Variants in MSRA observed in about 807,000 individuals in gnomAD.
The protein encoded by MSRA is mitochondrial peptide methionine sulfoxide reductase.
MSRA carries 54 observed loss-of-function variants against 31.3 expected under a neutral mutation model. The ratio of observed to expected loss-of-function variants is 1.73; its 90% CI spans 1.39 to 2.17. The LOEUF is 2.17. Ranked by LOEUF, MSRA falls within the 30% of genes most tolerant of loss-of-function variation. The pLI is 0.00. For missense variants in MSRA, 507 were observed against 300.9 expected, an observed-to-expected ratio of 1.69 and a Z score of -5.07; for synonymous variants, 169 against 116.5, an observed-to-expected ratio of 1.45 and a Z score of -2.90.
At chr8:10,322,492 G>A (rs1415603255) in intron 5 of MSRA, among the ~76,000 whole-genome samples, 1 of 152,130 alleles carries the variant, frequency 6.6e-6, no homozygotes, top group Non-Finnish European at 1.5e-5. Flanking sequence ...GTGATTTTTT[G>A]TACAAGTGTA....
At chr8:10,168,500 G>T (rs954865077) in intron 1 of MSRA, among the ~76,000 whole-genome samples, 6 of 152,294 alleles carry the variant, frequency 3.9e-5, no homozygotes, top group Non-Finnish European at 8.8e-5. Flanking sequence ...TATAAATGTG[G>T]TTTTTGGAAA....
intron 1 of MSRA, among the ~76,000 whole-genome samples, chr8:10,074,142 G>T (rs915464136): frequency 7.2e-6 from 1 of 139,614 alleles, no homozygotes; most frequent in Non-Finnish European, 1.5e-5. Context: ...GAGTGCAGTG[G>T]TGCGATCTGG....
At chr8:10,235,147 G>C (rs1045662115) in intron 2 of MSRA, among the ~76,000 whole-genome samples, 12 of 152,096 alleles carry the variant, frequency 7.9e-5, no homozygotes, top group African/African-American at 2.9e-4. Flanking sequence ...ACATAGAATA[G>C]TTACAAAAAT....
intron 3 of MSRA, among the ~76,000 whole-genome samples, chr8:10,268,151 G>C (rs1798841956): frequency 6.6e-6 from 1 of 152,248 alleles, no homozygotes; most frequent in African/African-American, 2.4e-5. Flanking sequence ...GAGCAGAGCA[G>C]TCCTGGTGTT....
intron 1 of MSRA, among the ~76,000 whole-genome samples, chr8:10,134,561 A>G (rs1171649206): frequency 6.6e-6 from 1 of 152,222 alleles, no homozygotes; most frequent in Non-Finnish European, 1.5e-5. Flanking sequence ...CCTTCGGCCA[A>G]GGGATTCATC....
chr8:10,095,966 C>T, intron 1 of MSRA: 2 of 1,374,940 alleles, frequency 1.5e-6, no homozygotes, highest in Non-Finnish European at 1.9e-6. Context: ...TAATTTTCTA[C>T]AAAATAAAGT....
intron 1 of MSRA, among the ~76,000 whole-genome samples, chr8:10,154,379 C>CT (rs1803971791): frequency 6.6e-6 from 1 of 150,660 alleles, no homozygotes; most frequent in African/African-American, 2.4e-5. Flanking sequence ...TTTTTCTTTT[C>CT]TTTCTTTCTT....
intron 1 of MSRA, among the ~76,000 whole-genome samples, chr8:10,054,992 T>C (rs1440352305): frequency 6.6e-6 from 1 of 152,138 alleles, no homozygotes; most frequent in Non-Finnish European, 1.5e-5. Context: ...CTGGCCTTGC[T>C]CGCGGGCGCC....
chr8:10,275,214 G>C (rs1244288294), intron 3 of MSRA, among the ~76,000 whole-genome samples: 1 of 152,148 alleles, frequency 6.6e-6, no homozygotes, highest in Non-Finnish European at 1.5e-5. Flanking sequence ...CCAAAGCATT[G>C]AAATGAGAAA....
chr8:10,150,509 A>T (rs928294200), intron 1 of MSRA, among the ~76,000 whole-genome samples: 1 of 152,226 alleles, frequency 6.6e-6, no homozygotes, highest in Non-Finnish European at 1.5e-5. Context: ...TTCAAAATGC[A>T]ACCATGTAAT....
chr8:10,091,783 T>C (rs1472792855), intron 1 of MSRA, among the ~76,000 whole-genome samples: 1 of 152,006 alleles, frequency 6.6e-6, no homozygotes, highest in African/African-American at 2.4e-5. Context: ...ATTTTTGTAG[T>C]TTTAGTAGAG....
chr8:10,196,706 T>C (rs553685012), intron 1 of MSRA, among the ~76,000 whole-genome samples: 1 of 152,010 alleles, frequency 6.6e-6, no homozygotes, highest in Non-Finnish European at 1.5e-5. Flanking sequence ...TGCACCACCA[T>C]GCCCGGCTAA....
intron 5 of MSRA, among the ~76,000 whole-genome samples, chr8:10,378,816 G>T (rs564920142): frequency 9.4e-4 from 143 of 152,308 alleles, no homozygotes; most frequent in African/African-American, 3.3e-3. Flanking sequence ...AGTGTTCTGA[G>T]GCACACTAAG....
At chr8:10,132,249 A>G (rs1585219829) in intron 1 of MSRA, among the ~76,000 whole-genome samples, 1 of 152,250 alleles carries the variant, frequency 6.6e-6, no homozygotes. Context: ...TTGGACTTTC[A>G]GATGACTTAT....
At chr8:10,297,210 G>A (rs1409186649) in intron 3 of MSRA, among the ~76,000 whole-genome samples, 3 of 152,066 alleles carry the variant, frequency 2.0e-5, no homozygotes, top group Non-Finnish European at 2.9e-5. Flanking sequence ...TGGATGCTTC[G>A]TCTAATCCAA....
intron 1 of MSRA, among the ~76,000 whole-genome samples, chr8:10,207,494 TTTGC>T (rs1259996677): frequency 2.0e-5 from 3 of 152,218 alleles, no homozygotes; most frequent in Non-Finnish European, 4.4e-5. Flanking sequence ...AAGTTGGAGC[TTTGC>T]TTGTTTTTTA....
chr8:10,073,931 T>G (rs1797861366), intron 1 of MSRA, among the ~76,000 whole-genome samples: 1 of 152,058 alleles, frequency 6.6e-6, no homozygotes, highest in Non-Finnish European at 1.5e-5. Flanking sequence ...TTGCTGTGTT[T>G]CCTTATGATG....
chr8:10,186,603 C>A (rs1453238267), intron 1 of MSRA, among the ~76,000 whole-genome samples: 2 of 152,280 alleles, frequency 1.3e-5, no homozygotes, highest in East Asian at 1.9e-4. Flanking sequence ...GAGTAGTAAT[C>A]CTTTACCTTT....
chr8:10,416,410 A>G (rs1021242821), intron 5 of MSRA, among the ~76,000 whole-genome samples: 3 of 152,234 alleles, frequency 2.0e-5, no homozygotes, highest in South Asian at 2.1e-4. Context: ...AACGCAGGAA[A>G]TAAACGATTC....
Sources: gnomAD v4.1 joint callset for allele counts (sites outside exome capture counted in the v4.1 genomes callset) on GRCh38, gnomAD v4.1.1 for gene constraint, MANE v1.5 for transcripts, NCBI Gene and HGNC (gene_info 2026-07-23, HGNC 2026-07-21) for gene names.